Variants in OLFM2 observed in about 807,000 individuals in gnomAD.
OLFM2 encodes the protein olfactomedin 2.
Under a neutral mutation model 43.9 loss-of-function variants are expected in OLFM2, and 20 were observed. The ratio of observed to expected loss-of-function variants is 0.46; its 90% confidence interval spans 0.32 to 0.66. The LOEUF (loss-of-function observed/expected upper bound fraction) is 0.66. Ranked by LOEUF, OLFM2 falls within the 30% of genes least tolerant of loss-of-function variation. The pLI, the probability that OLFM2 is intolerant of heterozygous loss-of-function variation, is 0.04. For synonymous variants in OLFM2, 268 were observed against 278.6 expected (o/e 0.96, Z 0.38); for missense variants, 416 against 643.6 (o/e 0.65, Z 3.83).
chr19:9,920,955 C>T (rs1371420407), intron 1 of OLFM2, among the ~76,000 whole-genome samples: 1 of 151,492 alleles, frequency 6.6e-6, no homozygotes, highest in Non-Finnish European at 1.5e-5. Flanking sequence ...TGGTAAAAAA[C>T]TCGTAACTGT....
rs771173518 is a variant in OLFM2 at position 9,854,720 on chromosome 19, G to A, written c.831C>T (p.Ser277=). 5.0e-6 allele frequency: 8 copies of A among 1,614,176 alleles called. No individual in the cohort carries two copies. The Admixed American group carries it at 1.2e-4, about 24-fold the overall frequency. ...TGCTCTGGTACTTGTTATAGAACAG[G>A]GAGCCGTTGTACACCACGTGGCCCG... ...AGTGHVVYNG[S]LFYNKYQSNV... The change falls in exon 6 of 6, where the codon TCC becomes TCT. Residue 277 remains serine, a synonymous_variant. Transcript: ENST00000264833. The surrounding 1 kb of genome is among the most constrained non-coding windows in gnomAD (Gnocchi z 9.5).
chr19:9,861,070 G>A lies in OLFM2; in HGVS notation c.64-276C>T, dbSNP rs889830960. Reference sequence around the variant, plus strand: ...TTCATTCTCTCACACAGATTTGCACGCACACAACACTGTCTCTGTGACTGC... The same window carrying A: ...TTCATTCTCTCACACAGATTTGCACACACACAACACTGTCTCTGTGACTGC... On this transcript the variant is annotated intron_variant, in intron 1 of 5. Transcript: ENST00000264833. Among the ~76,000 whole-genome samples, 7 of 151,960 alleles carry A rather than the reference G, an allele frequency of 4.6e-5. No individual in the cohort carries two copies. In the South Asian group the frequency reaches 6.2e-4, roughly 14 times the overall value.
chr19:9,910,750 CAG>C (rs1488154893), intron 1 of OLFM2, among the ~76,000 whole-genome samples: 5 of 151,856 alleles, frequency 3.3e-5, no homozygotes, highest in African/African-American at 9.7e-5. Context: ...CATGAAAGAA[CAG>C]AGAGACAAAT....
chr19:9,897,083 C>A (rs1358251328), intron 1 of OLFM2, among the ~76,000 whole-genome samples: 1 of 152,072 alleles, frequency 6.6e-6, no homozygotes, highest in Non-Finnish European at 1.5e-5. Flanking sequence ...AATCCCAGCA[C>A]TTTGGGAGGC....
At chr19:9,909,190 G>T (rs1241548217) in intron 1 of OLFM2, among the ~76,000 whole-genome samples, 1 of 152,094 alleles carries the variant, frequency 6.6e-6, no homozygotes. Flanking sequence ...GTCCCATAAA[G>T]CAAAAGGTCC....
At chr19:9,863,320 T>G (rs778749751) in intron 1 of OLFM2, among the ~76,000 whole-genome samples, 1 of 152,194 alleles carries the variant, frequency 6.6e-6, no homozygotes, top group African/African-American at 2.4e-5. Context: ...CTCTGGGTTC[T>G]GCCCTGAGGA....
At chr19:9,910,573 G>A (rs1009814745) in intron 1 of OLFM2, among the ~76,000 whole-genome samples, 6 of 152,064 alleles carry the variant, frequency 3.9e-5, no homozygotes, top group African/African-American at 1.4e-4. Flanking sequence ...ATAGTTTTGT[G>A]GAATAAATAC....
At chr19:9,860,958 C>T (rs1278717501) in intron 1 of OLFM2, among the ~76,000 whole-genome samples, 164 bp from the exon 2 acceptor site, 2 of 152,152 alleles carry the variant, frequency 1.3e-5, no homozygotes, top group Non-Finnish European at 2.9e-5. Context: ...TAAGGAGCCT[C>T]ATTTCACGGA....
chr19:9,855,813 G>T (rs980158592), intron 5 of OLFM2, among the ~76,000 whole-genome samples: 20 of 152,130 alleles, frequency 1.3e-4, no homozygotes, highest in Admixed American at 1.2e-3. Flanking sequence ...TGGGATTACA[G>T]GCGTGAGCCA....
chr19:9,933,836 C>T (rs1034210103), intron 1 of OLFM2, among the ~76,000 whole-genome samples: 2 of 152,178 alleles, frequency 1.3e-5, no homozygotes, highest in Non-Finnish European at 2.9e-5. Context: ...GGATTACAGG[C>T]GTGAGCCACA....
At chr19:9,887,860 C>A (rs574577739) in intron 1 of OLFM2, among the ~76,000 whole-genome samples, 26 of 152,178 alleles carry the variant, frequency 1.7e-4, no homozygotes, top group Admixed American at 4.6e-4. Context: ...TAGTGAGACC[C>A]CATCTCTACA....
chr19:9,909,873 G>A (rs942138889), intron 1 of OLFM2, among the ~76,000 whole-genome samples: 5 of 152,096 alleles, frequency 3.3e-5, no homozygotes, highest in Admixed American at 1.3e-4. Flanking sequence ...ACACTACTAT[G>A]TGCCCGTTAT....
At chr19:9,863,929 G>C (rs996403977) in intron 1 of OLFM2, among the ~76,000 whole-genome samples, 1 of 152,270 alleles carries the variant, frequency 6.6e-6, no homozygotes, top group Non-Finnish European at 1.5e-5. Context: ...CCCCCTCTTT[G>C]TAAGTTGCAC....
rs533874693 is a variant in OLFM2, at chr19:9,928,347, T to C, written c.63+7957A>G. On this transcript the variant is annotated intron_variant, in intron 1 of 5. Coordinates refer to ENST00000264833, the MANE Select transcript of OLFM2 (RefSeq NM_058164.4). ...GCTATTTGCCATTTCATTTGATGGCTGAACTGGCTTTGCCTTTTTGTTTCT... is the reference window on the plus strand; with the variant it reads ...GCTATTTGCCATTTCATTTGATGGCCGAACTGGCTTTGCCTTTTTGTTTCT... Among the ~76,000 whole-genome samples, 27 of 152,376 alleles carry C rather than the reference T, an allele frequency of 1.8e-4. No individual in the cohort carries two copies. The East Asian group carries it at 5.0e-3, about 28-fold the overall frequency.
At chr19:9,927,365 C>A (rs1048359479) in intron 1 of OLFM2, among the ~76,000 whole-genome samples, 1 of 152,142 alleles carries the variant, frequency 6.6e-6, no homozygotes, top group African/African-American at 2.4e-5. Context: ...CAGATCACAA[C>A]CTTTTCAAGC....
In OLFM2 at chr19:9,936,413, G is replaced by C; in HGVS notation, c.-47C>G. On this transcript the variant is annotated 5_prime_UTR_variant, in exon 1 of 6. Coordinates refer to ENST00000264833, the MANE Select transcript of OLFM2 (RefSeq NM_058164.4). ...CCCGACCCCCGCCCGCCCTAGCGGC[G>C]CCTCGGCGCGGGGACCGCCACCAGG... 3 of 1,215,250 alleles carry C rather than the reference G, an allele frequency of 2.5e-6. No individual in the cohort carries two copies. Among genetic ancestry groups the C allele is most frequent in the Non-Finnish European group, 3.1e-6 (3 of 976,982 alleles). The allele number at this position is 1,215,250 out of a possible 1,614,324, so 75.3% of individuals were successfully genotyped here. A position where few individuals can be genotyped will look rare whatever the true frequency, so the allele number is the denominator to read the frequency against.
At chr19:9,861,475 C>A (rs967045839) in intron 1 of OLFM2, among the ~76,000 whole-genome samples, 3 of 152,186 alleles carry the variant, frequency 2.0e-5, no homozygotes, top group Non-Finnish European at 2.9e-5. Flanking sequence ...TCAGGGCCAC[C>A]AAATGTTAAG....
At chr19:9,911,142 C>A (rs1378524378) in intron 1 of OLFM2, among the ~76,000 whole-genome samples, 1 of 152,110 alleles carries the variant, frequency 6.6e-6, no homozygotes. Context: ...TGAGGTAAGA[C>A]ATCATTCCCA....
chr19:9,866,635 G>A (rs1425575098), intron 1 of OLFM2, among the ~76,000 whole-genome samples: 1 of 151,850 alleles, frequency 6.6e-6, no homozygotes. Flanking sequence ...GAGCAGCTGG[G>A]ACTACAGGCA....
Sources: allele counts gnomAD v4.1 joint callset (sites outside exome capture counted in the v4.1 genomes callset), GRCh38; gene constraint gnomAD v4.1.1; non-coding constraint Gnocchi (gnomAD v3.1); transcripts MANE v1.5; gene names NCBI Gene and HGNC (gene_info 2026-07-23, HGNC 2026-07-21).